CHD1L: variants seen among roughly 807,000 people sequenced by gnomAD.
CHD1L encodes ATP-dependent chromatin remodeler CHD1L.
In CHD1L, 118 loss-of-function variants were observed where a neutral mutation model predicts 115.9. The ratio of observed to expected loss-of-function variants is 1.02; its 90% CI spans 0.88 to 1.19. The LOEUF is 1.19. Among genes scored for constraint, CHD1L ranks in the 50% most tolerant of loss-of-function variants. The pLI, the probability that CHD1L is intolerant of heterozygous loss-of-function variation, is 0.00. For missense variants in CHD1L, 1,179 were observed against 1,065.3 expected (o/e 1.11, Z -1.49); for synonymous variants, 411 against 387.1 (o/e 1.06, Z -0.72).
At position 147,271,084 on chromosome 1, in the gene CHD1L, G is replaced by A. The variant is rs187712503; in HGVS notation, c.1159+79G>A. The stretch of plus-strand genomic sequence containing the variant: ...AGATAGGTCCATGAAGAATAATATG[G>A]GATATGAGAATATTACAAAGGAAAG... On this transcript the variant is annotated intron_variant, in intron 11 of 22. Coordinates refer to ENST00000369258, the MANE Select transcript of CHD1L (RefSeq NM_004284.6). 1,661 of 1,178,134 alleles carry A rather than the reference G, an allele frequency of 1.4e-3. 4 individuals carry two copies. The highest frequency in any genetic ancestry group is 1.4e-3 in the Non-Finnish European group (1,146 of 797,378). 73.0% of individuals were successfully genotyped at this position (1,178,134 alleles called of 1,614,324 possible).
chr1:147,224,029 C>A, the CHD1L span: 1 of 417,792 alleles, frequency 2.4e-6, no homozygotes, highest in Non-Finnish European at 4.8e-6. Flanking sequence ...TGATTGCACA[C>A]GATGCGGATC....
chr1:147,224,156 T>C, the CHD1L span: 2 of 294,292 alleles, frequency 6.8e-6, no homozygotes, highest in Non-Finnish European at 1.3e-5. Context: ...CTGCACGACG[T>C]TGCCTTCACA....
chr1:147,209,406 C>T, the CHD1L span, among the ~76,000 whole-genome samples: 1,161 of 139,268 alleles, frequency 8.3e-3, 9 homozygotes, highest in Non-Finnish European at 0.011. Flanking sequence ...CCACTGCACT[C>T]CAGCCTGGGC....
chr1:147,295,322 A>C (rs1177572334), intron 22 of CHD1L, 109 bp from the exon 23 acceptor site: 1 of 749,718 alleles, frequency 1.3e-6, no homozygotes, highest in African/African-American at 1.8e-5. Flanking sequence ...GAGAGAATTA[A>C]AGCATACTAC....
intron 7 of CHD1L, 113 bp downstream of exon 7, chr1:147,264,697 C>T: frequency 9.3e-7 from 1 of 1,077,544 alleles, no homozygotes; most frequent in Non-Finnish European, 1.3e-6. Flanking sequence ...GGACACCTTC[C>T]AGGGAGACAG....
chr1:147,225,165 G>T, the CHD1L span: 1 of 1,519,592 alleles, frequency 6.6e-7, no homozygotes, highest in Non-Finnish European at 8.8e-7. Context: ...TACAAGAGGT[G>T]TCTTGAGGAG....
At chr1:147,200,261 T>A in the CHD1L span, among the ~76,000 whole-genome samples, 2 of 152,304 alleles carry the variant, frequency 1.3e-5, no homozygotes, top group South Asian at 4.1e-4. Flanking sequence ...ACTGAGTAAA[T>A]CTAATCCTTC....
At chr1:147,277,630 CTTAA>C (rs1227237003) in intron 14 of CHD1L, among the ~76,000 whole-genome samples, 1 of 152,094 alleles carries the variant, frequency 6.6e-6, no homozygotes, top group Non-Finnish European at 1.5e-5. Context: ...CACATGCATG[CTTAA>C]TTAACCATAA....
At chr1:147,256,966 T>C (rs1233796493) in intron 5 of CHD1L, among the ~76,000 whole-genome samples, 2 of 152,242 alleles carry the variant, frequency 1.3e-5, no homozygotes, top group Admixed American at 1.3e-4. Flanking sequence ...CCATTTGAGC[T>C]GTTTGCTGGA....
intron 5 of CHD1L, 28 bp downstream of exon 5, chr1:147,256,590 T>G (rs782210827): frequency 1.2e-6 from 2 of 1,600,108 alleles, no homozygotes; most frequent in Non-Finnish European, 1.7e-6. Flanking sequence ...TTTAAGAACT[T>G]GGGTTGAATG....
At chr1:147,194,854 G>T in the CHD1L span, among the ~76,000 whole-genome samples, 6 of 152,202 alleles carry the variant, frequency 3.9e-5, 1 homozygote, top group East Asian at 3.9e-4. Context: ...CTTCTGGCTT[G>T]TAGAGTTACT....
In CHD1L at chr1:147,280,048, G is replaced by A. The variant is rs201567836; in HGVS notation, c.1562G>A (p.Gly521Asp). 4.3e-6 allele frequency: 7 copies of A among 1,613,820 alleles called. No homozygotes were observed. Among genetic ancestry groups the A allele is most frequent in the African/African-American group, 1.3e-5 (1 of 74,878 alleles). Residue 521 changes from glycine (G) to aspartate (D), a missense_variant, in exon 15 of 23, where the codon GGT (glycine) becomes GAT (aspartate). Transcript: ENST00000369258. ...AAGTTGAGTGAGATACTCAAATTTGGTTTGGATAAACTGCTGGCCTCTGAG... is the reference window on the plus strand; with the variant it reads ...AAGTTGAGTGAGATACTCAAATTTGATTTGGATAAACTGCTGGCCTCTGAG... ...DLQLSEILKF[G>D]LDKLLASEGS...
chr1:147,269,316 G>T (rs1553951064), intron 10 of CHD1L, among the ~76,000 whole-genome samples: 1 of 152,136 alleles, frequency 6.6e-6, no homozygotes, highest in Non-Finnish European at 1.5e-5. Flanking sequence ...TGTGGGGTTT[G>T]ATTTAAACTT....
intron 3 of CHD1L, 36 bp downstream of exon 3, chr1:147,255,012 T>C: frequency 6.9e-7 from 1 of 1,451,472 alleles, no homozygotes; most frequent in Non-Finnish European, 9.3e-7. Flanking sequence ...TTATTGTTTA[T>C]CTTGATTAAG....
chr1:147,218,243 A>AT, the CHD1L span, among the ~76,000 whole-genome samples: 5,706 of 149,914 alleles, frequency 0.038, 115 homozygotes, highest in African/African-American at 0.047. Flanking sequence ...AACATGCAGA[A>AT]TTTTTTTTTT....
Position 147,293,640 on chromosome 1 carries a change from T to TTC in CHD1L, c.2425_2426dup (p.Asn810ProfsTer12). ...TGATTGTGGCTCAGCATCGTGATCG[T>TTC]TCCAATGTCCTGTCTGGCATTAAGA... On this transcript the variant is annotated frameshift_variant, in exon 21 of 23. Transcript: ENST00000369258. LOFTEE classifies it high-confidence loss of function. The TTC allele has an allele frequency of 6.2e-7, 1 of 1,614,164 alleles. No homozygotes were observed. Among genetic ancestry groups the TTC allele is most frequent in the South Asian group, 1.1e-5 (1 of 91,088 alleles).
intron 17 of CHD1L, among the ~76,000 whole-genome samples, chr1:147,285,915 C>T (rs1682926982): frequency 6.6e-6 from 1 of 152,090 alleles, no homozygotes. Context: ...CTAGGCTGGT[C>T]TCAAGATCCT....
At chr1:147,242,498 A>G (rs1665012886), upstream of CHD1L, 3 of 437,472 alleles carry the variant, frequency 6.9e-6, no homozygotes, top group African/African-American at 2.0e-5. Flanking sequence ...AGAACTGGGC[A>G]GCCCTTCCAC....
chr1:147,184,885 G>A, the CHD1L span, among the ~76,000 whole-genome samples: 1 of 152,078 alleles, frequency 6.6e-6, no homozygotes, highest in Non-Finnish European at 1.5e-5. The surrounding 1 kb of genome is among the most constrained non-coding windows in gnomAD (Gnocchi z 4.4). Flanking sequence ...CTTGAGGGCA[G>A]AGTTCATAAA....
Sources: allele counts gnomAD v4.1 joint callset (sites outside exome capture counted in the v4.1 genomes callset), GRCh38; gene constraint gnomAD v4.1.1; non-coding constraint Gnocchi (gnomAD v3.1); transcripts MANE v1.5; gene names NCBI Gene and HGNC (gene_info 2026-07-23, HGNC 2026-07-21).